ETV1: variants seen among roughly 807,000 people sequenced by gnomAD.
The protein encoded by ETV1 is ETS variant transcription factor 1.
ETV1 carries 27 observed loss-of-function variants against 62.3 expected under a neutral mutation model. The ratio of observed to expected loss-of-function variants is 0.43; its 90% CI spans 0.32 to 0.60. The LOEUF is 0.60. ETV1 is among the 20% of genes least tolerant of loss of function. The pLI is 0.06. For missense variants in ETV1, 605 were observed against 605.8 expected, an observed-to-expected ratio of 1.00 and a Z score of 0.01; for synonymous variants, 222 against 199.6, an observed-to-expected ratio of 1.11 and a Z score of -0.94.
At chr7:13,962,452 A>T (rs1022062896) in intron 6 of ETV1, among the ~76,000 whole-genome samples, 5 of 152,140 alleles carry the variant, frequency 3.3e-5, no homozygotes, top group African/African-American at 1.2e-4. Flanking sequence ...TAGTGTCTTC[A>T]ACATCAACAC....
At chr7:13,965,596 G>C (rs1790691744) in intron 6 of ETV1, among the ~76,000 whole-genome samples, 1 of 152,076 alleles carries the variant, frequency 6.6e-6, no homozygotes, top group South Asian at 2.1e-4. Context: ...ACATGCCTTA[G>C]CTATTTGATT....
chr7:13,975,380 A>G (rs1334379577), intron 6 of ETV1, among the ~76,000 whole-genome samples: 4 of 151,992 alleles, frequency 2.6e-5, no homozygotes, highest in Admixed American at 1.3e-4. Flanking sequence ...CCCCAACTCT[A>G]CTAAAAAGAC....
intron 7 of ETV1, among the ~76,000 whole-genome samples, chr7:13,936,748 G>A (rs760151428): frequency 1.3e-5 from 2 of 152,010 alleles, no homozygotes; most frequent in Non-Finnish European, 2.9e-5. Flanking sequence ...TTAGAATGCT[G>A]TATTTCATTT....
intron 7 of ETV1, 42 bp from the exon 8 acceptor site, chr7:13,935,938 G>T: frequency 6.8e-7 from 1 of 1,474,104 alleles, no homozygotes; most frequent in Non-Finnish European, 9.2e-7. Flanking sequence ...TCTTTCTTTG[G>T]AGCAATTTTT....
chr7:13,989,382 G>T lies in ETV1; in HGVS notation c.-202C>A. 1 of 480,396 alleles carries T rather than the reference G, an allele frequency of 2.1e-6. No individual in the cohort carries two copies. The highest frequency in any genetic ancestry group is 3.6e-6 in the Non-Finnish European group (1 of 274,796). 29.8% of individuals were successfully genotyped at this position (480,396 alleles called of 1,614,324 possible). Reference sequence around the variant, plus strand: ...CTCTCGATGTTTCCCTGCGCGGTCGGTGTACCCCGGGCAGCTCTGATTCGC... The same window carrying T: ...CTCTCGATGTTTCCCTGCGCGGTCGTTGTACCCCGGGCAGCTCTGATTCGC... On this transcript the variant is annotated 5_prime_UTR_variant, in exon 2 of 14. Coordinates refer to ENST00000430479, the MANE Select transcript of ETV1 (RefSeq NM_004956.5).
chr7:13,988,902 T>A, intron 3 of ETV1, 106 bp downstream of exon 3: 1 of 1,526,162 alleles, frequency 6.6e-7, no homozygotes, highest in Admixed American at 1.8e-5. Context: ...AGCAGATAAG[T>A]ATCTGCAATC....
intron 6 of ETV1, among the ~76,000 whole-genome samples, chr7:13,951,107 A>G (rs953502952): frequency 6.6e-6 from 1 of 151,990 alleles, no homozygotes; most frequent in African/African-American, 2.4e-5. Context: ...AGTTCACTTC[A>G]CTCACTTATC....
At chr7:13,921,608 A>AG (rs1435117781) in intron 9 of ETV1, among the ~76,000 whole-genome samples, 6 of 152,330 alleles carry the variant, frequency 3.9e-5, no homozygotes, top group South Asian at 4.1e-4. Context: ...GAGGATAAAC[A>AG]GAAAAACTGC....
chr7:13,991,090 A>G (rs1452722645), upstream of ETV1: 1 of 152,152 alleles, frequency 6.6e-6, no homozygotes, highest in African/African-American at 2.4e-5. Flanking sequence ...CATTCCCGGA[A>G]ACTACTAAAT....
intron 5 of ETV1, among the ~76,000 whole-genome samples, chr7:13,984,495 G>C (rs528333254): frequency 6.6e-6 from 1 of 152,010 alleles, no homozygotes; most frequent in South Asian, 2.1e-4. Flanking sequence ...GTGGAGTCTA[G>C]AAACAAGAAG....
At chr7:13,967,229 G>A (rs1303744709) in intron 6 of ETV1, among the ~76,000 whole-genome samples, 3 of 152,020 alleles carry the variant, frequency 2.0e-5, no homozygotes, top group African/African-American at 4.8e-5. Context: ...CACAACTCAA[G>A]CCTCTTCAAC....
At chr7:13,938,115 T>C (rs1787026026) in intron 7 of ETV1, among the ~76,000 whole-genome samples, 1 of 152,162 alleles carries the variant, frequency 6.6e-6, no homozygotes, top group Non-Finnish European at 1.5e-5. Flanking sequence ...CCAGCTAATT[T>C]TGTATTTTCA....
chr7:13,939,267 A>G, intron 6 of ETV1, 21 bp from the exon 7 acceptor site: 2 of 1,593,484 alleles, frequency 1.3e-6, no homozygotes, highest in Non-Finnish European at 1.7e-6. Context: ...GAACAAAAAT[A>G]TCCACAAAAA....
At chr7:13,922,309 T>C (rs932000341) in intron 9 of ETV1, among the ~76,000 whole-genome samples, 4 of 152,208 alleles carry the variant, frequency 2.6e-5, no homozygotes, top group Admixed American at 2.6e-4. Flanking sequence ...ACTTCCATAC[T>C]TTCAAAGGGA....
At chr7:13,910,228 CTTTTTTTTTTT>C (rs58867942) in intron 10 of ETV1, among the ~76,000 whole-genome samples, 4 of 120,222 alleles carry the variant, frequency 3.3e-5, no homozygotes, top group Admixed American at 1.8e-4. Context: ...AAAAGTTTCC[CTTTTTTTTTTT>C]TTTTTTTTGC....
At chr7:13,906,984 C>A (rs184935483) in intron 11 of ETV1, among the ~76,000 whole-genome samples, 1 of 152,178 alleles carries the variant, frequency 6.6e-6, no homozygotes, top group East Asian at 1.9e-4. Flanking sequence ...CTAGGCAACA[C>A]TGAAGAGGGA....
chr7:13,935,286 C>T (rs1212374740), intron 8 of ETV1, among the ~76,000 whole-genome samples: 1 of 152,154 alleles, frequency 6.6e-6, no homozygotes, highest in Middle Eastern at 3.2e-3. Context: ...AAACTATGTA[C>T]AGCTGAACCA....
At chr7:13,970,273 C>A (rs796992282) in intron 6 of ETV1, among the ~76,000 whole-genome samples, 1 of 17,572 alleles carries the variant, frequency 5.7e-5, no homozygotes, top group African/African-American at 1.8e-4. Flanking sequence ...AACACACACA[C>A]ACACACACAC....
intron 6 of ETV1, among the ~76,000 whole-genome samples, chr7:13,975,363 A>G (rs755642370): frequency 2.0e-5 from 3 of 151,972 alleles, no homozygotes; most frequent in South Asian, 4.1e-4. Flanking sequence ...TGGCCAACAC[A>G]GTGAAACCCC....
Sources: allele counts gnomAD v4.1 joint callset (sites outside exome capture counted in the v4.1 genomes callset), GRCh38; gene constraint gnomAD v4.1.1; transcripts MANE v1.5; gene names NCBI Gene and HGNC (gene_info 2026-07-23, HGNC 2026-07-21).